Variants in PTPRO observed in about 807,000 individuals in gnomAD.
The protein encoded by PTPRO is protein tyrosine phosphatase receptor type O.
A neutral mutation model predicts 145.2 loss-of-function variants in PTPRO; 62 were observed. The ratio of observed to expected loss-of-function variants is 0.43; its 90% CI spans 0.35 to 0.53. The LOEUF is 0.53. Among genes scored for constraint, PTPRO ranks in the 20% least tolerant of loss-of-function variants. The pLI, the probability that PTPRO is intolerant of heterozygous loss-of-function variation, is 0.01. For synonymous variants in PTPRO, 565 were observed against 514.7 expected (o/e 1.10, Z -1.32); for missense variants, 1,345 against 1,482.7 (o/e 0.91, Z 1.53).
intron 1 of PTPRO, among the ~76,000 whole-genome samples, chr12:15,359,651 G>A (rs1047448468): frequency 2.6e-5 from 4 of 151,912 alleles, no homozygotes; most frequent in African/African-American, 9.7e-5. Flanking sequence ...ACAAACTCTT[G>A]TGTGCGGATC....
intron 1 of PTPRO, among the ~76,000 whole-genome samples, chr12:15,393,193 G>A (rs780341217): frequency 2.0e-4 from 31 of 151,856 alleles, no homozygotes. Flanking sequence ...ATAGTGTAAT[G>A]ATTAACCAGT....
chr12:15,331,934 A>ATAGTATCCT (rs1866619214), intron 1 of PTPRO, among the ~76,000 whole-genome samples: 1 of 144,776 alleles, frequency 6.9e-6, no homozygotes, highest in African/African-American at 2.5e-5. Flanking sequence ...TTGTTTGATT[A>ATAGTATCCT]TAGTATCCTT....
chr12:15,361,438 C>CAAAAAA (rs71042244), intron 1 of PTPRO, among the ~76,000 whole-genome samples: 3 of 71,266 alleles, frequency 4.2e-5, no homozygotes, highest in Admixed American at 3.2e-4. Context: ...GACTCAGTCT[C>CAAAAAA]AAAAAAAAAA....
At chr12:15,493,122 A>G (rs1268537349) in intron 2 of PTPRO, among the ~76,000 whole-genome samples, 1 of 152,224 alleles carries the variant, frequency 6.6e-6, no homozygotes, top group Non-Finnish European at 1.5e-5. Context: ...GTATCTACAA[A>G]GGAATGACTA....
At chr12:15,421,520 T>G (rs1940145349) in intron 1 of PTPRO, among the ~76,000 whole-genome samples, 1 of 152,182 alleles carries the variant, frequency 6.6e-6, no homozygotes, top group African/African-American at 2.4e-5. Flanking sequence ...AAGTACCAAA[T>G]GCTGTGATCC....
chr12:15,574,969 A>C (rs913053561), intron 19 of PTPRO, among the ~76,000 whole-genome samples: 1 of 152,182 alleles, frequency 6.6e-6, no homozygotes, highest in Non-Finnish European at 1.5e-5. Context: ...GTGGCCCCCC[A>C]AAATTCCTAT....
At chr12:15,587,271 ATG>A in intron 24 of PTPRO, 3 of 564,458 alleles carry the variant, frequency 5.3e-6, no homozygotes, top group Non-Finnish European at 3.1e-6. Context: ...CAATTTTTAA[ATG>A]AAAAAAATAG....
chr12:15,426,599 C>A (rs1359897748), intron 1 of PTPRO, among the ~76,000 whole-genome samples: 1 of 152,002 alleles, frequency 6.6e-6, no homozygotes, highest in African/African-American at 2.4e-5. Context: ...TTTAGGTTCT[C>A]AATCTTTTGT....
At chr12:15,560,458 C>T (rs1190717103) in intron 17 of PTPRO, among the ~76,000 whole-genome samples, 182 bp downstream of exon 17, 10 of 151,998 alleles carry the variant, frequency 6.6e-5, no homozygotes, top group African/African-American at 1.2e-4. Flanking sequence ...TAAGGTTTTC[C>T]GTTAAATTTT....
intron 1 of PTPRO, among the ~76,000 whole-genome samples, chr12:15,472,993 G>T (rs1941575460): frequency 6.6e-6 from 1 of 152,190 alleles, no homozygotes; most frequent in African/African-American, 2.4e-5. Context: ...GAGCATCACA[G>T]GAAGGGGACC....
At position 15,419,049 on chromosome 12, in the gene PTPRO, A is replaced by G. The variant is rs188668155; in HGVS notation, c.76-64925A>G. ...ACTAACGCATATTAAATGCTAGATC[A>G]GTCTTTCAAGTTACAGTACACAGAA... On this transcript the variant is annotated intron_variant, in intron 1 of 26. Transcript: ENST00000281171. Among the ~76,000 whole-genome samples the G allele has an allele frequency of 4.0e-5, 6 of 151,820 alleles. No individual in the cohort carries two copies. The East Asian group carries it at 5.8e-4, about 15-fold the overall frequency.
At position 15,439,874 on chromosome 12, in the gene PTPRO, G is replaced by A. The variant is rs1328775090; in HGVS notation, c.76-44100G>A. On this transcript the variant is annotated intron_variant, in intron 1 of 26. Coordinates refer to ENST00000281171, the MANE Select transcript of PTPRO (RefSeq NM_030667.3). The stretch of plus-strand genomic sequence containing the variant: ...TATGATGGTGCAGAAGCAGACCCAC[G>A]TCGGCCAGCACACCAAGTTCAAGGT... The A allele has an allele frequency of 3.0e-5, 19 of 641,252 alleles. No individual in the cohort carries two copies. In the Admixed American group the frequency reaches 3.2e-4, roughly 11 times the overall value. 39.7% of individuals were successfully genotyped at this position (641,252 alleles called of 1,614,324 possible).
intron 17 of PTPRO, among the ~76,000 whole-genome samples, chr12:15,565,075 A>C (rs537911145): frequency 4.6e-4 from 70 of 152,354 alleles, no homozygotes; most frequent in African/African-American, 1.6e-3. Context: ...GAATAAAAAC[A>C]ACGCCATAGT....
intron 1 of PTPRO, among the ~76,000 whole-genome samples, chr12:15,338,282 GT>G (rs892292543): frequency 6.6e-6 from 1 of 152,084 alleles, no homozygotes; most frequent in Non-Finnish European, 1.5e-5. Flanking sequence ...GCTTTGTTTT[GT>G]TTTTTGTATG....
intron 1 of PTPRO, among the ~76,000 whole-genome samples, chr12:15,474,494 C>A (rs1161897029): frequency 6.6e-6 from 1 of 152,142 alleles, no homozygotes; most frequent in Non-Finnish European, 1.5e-5. Flanking sequence ...ATATATGGAT[C>A]CTAGACCTTG....
At position 15,591,370 on chromosome 12, in the gene PTPRO, CA is replaced by C. The variant is rs528832080; in HGVS notation, c.3546+1788del. On this transcript the variant is annotated intron_variant, in intron 25 of 26. Transcript: ENST00000281171. ...TGGGCGACAGAGTGAGACTCCATCTCAAAAAAAACAAAAAAAACTTAGTAGA... is the reference window on the plus strand; with the variant it reads ...TGGGCGACAGAGTGAGACTCCATCTCAAAAAAACAAAAAAAACTTAGTAGA... Among the ~76,000 whole-genome samples, 534 of 148,614 alleles carry C rather than the reference CA, an allele frequency of 3.6e-3. 6 individuals carry two copies. The highest frequency in any genetic ancestry group is 0.013 in the African/African-American group (500 of 39,268).
intron 12 of PTPRO, among the ~76,000 whole-genome samples, chr12:15,539,444 A>G (rs1203949084): frequency 6.6e-6 from 1 of 152,150 alleles, no homozygotes; most frequent in Non-Finnish European, 1.5e-5. Context: ...AAGATATTAT[A>G]CTTGCTATCT....
At chr12:15,349,452 A>G (rs796981431) in intron 1 of PTPRO, among the ~76,000 whole-genome samples, 16 of 152,334 alleles carry the variant, frequency 1.1e-4, no homozygotes, top group African/African-American at 3.6e-4. Context: ...AAGAGGGGCA[A>G]CACTGTATGC....
intron 1 of PTPRO, among the ~76,000 whole-genome samples, chr12:15,431,948 A>G (rs988464454): frequency 1.8e-4 from 28 of 152,124 alleles, no homozygotes; most frequent in African/African-American, 6.5e-4. Flanking sequence ...TTTTTTGGAC[A>G]CTAATACTCA....
Sources: allele counts gnomAD v4.1 joint callset (sites outside exome capture counted in the v4.1 genomes callset), GRCh38; gene constraint gnomAD v4.1.1; transcripts MANE v1.5; gene names NCBI Gene and HGNC (gene_info 2026-07-23, HGNC 2026-07-21).